PCDHGA6: variants seen among roughly 807,000 people sequenced by gnomAD.
PCDHGA6 encodes the protein protocadherin gamma subfamily A, 6.
In PCDHGA6, 41 loss-of-function variants were observed where a neutral mutation model predicts 60.6. The ratio of observed to expected loss-of-function variants is 0.68; its 90% CI spans 0.53 to 0.88. The LOEUF (loss-of-function observed/expected upper bound fraction) is 0.88, where lower values mean the gene tolerates loss of function less well. Among genes scored for constraint, PCDHGA6 ranks in the 40% least tolerant of loss-of-function variants. PCDHGA6 has a pLI of 0.00. For missense variants in PCDHGA6, 1,312 were observed against 1,203.0 expected (o/e 1.09, Z -1.34); for synonymous variants, 594 against 524.4 (o/e 1.13, Z -1.81).
intron 1 of PCDHGA6, among the ~76,000 whole-genome samples, chr5:141,466,735 T>C (rs2099128254): frequency 6.6e-6 from 1 of 152,224 alleles, no homozygotes; most frequent in South Asian, 2.1e-4. Context: ...GCAGAATTCA[T>C]GTTACTCTGA....
chr5:141,390,286 G>A (rs1043842292), intron 1 of PCDHGA6: 2 of 1,613,848 alleles, frequency 1.2e-6, no homozygotes, highest in Non-Finnish European at 1.7e-6. Flanking sequence ...CATCAGGTGA[G>A]TTTCCTTTAA....
rs369592332 is a variant in PCDHGA6 at position 141,375,474 on chromosome 5, A to G, written c.1391A>G (p.Asn464Ser). 6.2e-7 allele frequency: 1 copy of G among 1,613,772 alleles called. No individual in the cohort carries two copies. The highest frequency in any genetic ancestry group is 1.3e-5 in the African/African-American group (1 of 74,876). ...TCCTACTCAGTCTATGTCCTTGAAA[A>G]CAACCCCAGGGGTGCCTCCATCTTC... ...HSSYSVYVLE[N>S]NPRGASIFSV... is the part of the protein sequence containing the mutation. Residue 464 changes from asparagine (N) to serine (S), a missense_variant, in exon 1 of 4, where the codon AAC becomes AGC. Physicochemically the swap from Asn to Ser is conservative, Grantham distance 46. Coordinates refer to ENST00000517434, the MANE Select transcript of PCDHGA6 (RefSeq NM_018919.3).
Position 141,374,427 on chromosome 5 carries a change from A to C in PCDHGA6, c.344A>C (p.Asn115Thr). 6.2e-7 allele frequency: 1 copy of C among 1,613,980 alleles called. No individual in the cohort carries two copies. Among genetic ancestry groups the C allele is most frequent in the Non-Finnish European group, 8.5e-7 (1 of 1,179,852 alleles). The change falls in exon 1 of 4, where the codon AAT becomes ACT. Residue 115 changes from asparagine to threonine, a missense_variant. Transcript: ENST00000517434. ...AACATCCTTGTCGAGGATAAACTGA[A>C]TCTTTATCCCGTGGAAGTGGAAATA... ...SFNILVEDKL[N>T]LYPVEVEIVD...
rs144222319 is a variant in PCDHGA6, at chr5:141,505,519, C to T, written c.2572+38C>T. ...AGTGTGTGTATGGAAGAGTGGGAGACCTGGGGTTCTGGGGTGCATCTCACA... is the reference window on the plus strand; with the variant it reads ...AGTGTGTGTATGGAAGAGTGGGAGATCTGGGGTTCTGGGGTGCATCTCACA... On this transcript the variant is annotated intron_variant, in intron 3 of 3. Coordinates refer to ENST00000517434, the MANE Select transcript of PCDHGA6 (RefSeq NM_018919.3). The T allele has an allele frequency of 1.5e-3, 2,491 of 1,613,690 alleles. 3 individuals carry two copies. The highest frequency in any genetic ancestry group is 2.6e-3 in the Middle Eastern group (16 of 6,060).
chr5:141,385,101 C>A (rs1373310406), intron 1 of PCDHGA6: 2 of 1,614,194 alleles, frequency 1.2e-6, no homozygotes, highest in East Asian at 2.2e-5. Flanking sequence ...GCTTGGCGAA[C>A]GTGCCCACCT....
chr5:141,410,318 G>C, intron 1 of PCDHGA6: 6 of 1,613,982 alleles, frequency 3.7e-6, no homozygotes, highest in Non-Finnish European at 5.1e-6. Context: ...CTTCCTCCTC[G>C]CCGTGATTCT....
Position 141,490,483 on chromosome 5 carries a change from G to A in PCDHGA6, c.2425-4324G>A. On this transcript the variant is annotated intron_variant, in intron 1 of 3. Transcript: ENST00000517434. The surrounding 1 kb of genome is among the most constrained non-coding windows in gnomAD (Gnocchi z 5.4). ...GCTAACCAGCCAGCCTTTGGACCGG[G>A]AGGCCACATCCCACTATATCATCGA... 2.5e-6 allele frequency: 4 copies of A among 1,614,198 alleles called. No individual in the cohort carries two copies. Among genetic ancestry groups the A allele is most frequent in the Non-Finnish European group, 3.4e-6 (4 of 1,180,046 alleles).
chr5:141,483,257 T>G, intron 1 of PCDHGA6, among the ~76,000 whole-genome samples: 1 of 137,924 alleles, frequency 7.3e-6, no homozygotes, highest in East Asian at 1.9e-4. Flanking sequence ...ATCATGAGGT[T>G]TTTTTGTTTT....
intron 2 of PCDHGA6, among the ~76,000 whole-genome samples, chr5:141,503,075 G>C (rs1373753092): frequency 6.6e-6 from 1 of 151,438 alleles, no homozygotes; most frequent in Non-Finnish European, 1.5e-5. Context: ...GAATGGTCTC[G>C]ATCTCCTGAC....
At chr5:141,403,159 A>G (rs778714191) in intron 1 of PCDHGA6, 2 of 1,614,002 alleles carry the variant, frequency 1.2e-6, no homozygotes, top group East Asian at 4.5e-5. Context: ...TCGTCTCTAG[A>G]GGTAGGACGC....
At chr5:141,396,797 T>C (rs1043872860) in intron 1 of PCDHGA6, among the ~76,000 whole-genome samples, 1 of 152,182 alleles carries the variant, frequency 6.6e-6, no homozygotes, top group Non-Finnish European at 1.5e-5. Context: ...TTCCTAAGGA[T>C]TGTGTAGTGT....
chr5:141,464,973 TTC>T (rs2154568681), intron 1 of PCDHGA6, among the ~76,000 whole-genome samples: 1 of 152,092 alleles, frequency 6.6e-6, no homozygotes, highest in East Asian at 1.9e-4. Flanking sequence ...AACTACTGGC[TTC>T]AAGTGATCCT....
chr5:141,445,889 C>A (rs920382027), intron 1 of PCDHGA6, among the ~76,000 whole-genome samples: 6 of 152,110 alleles, frequency 3.9e-5, no homozygotes, highest in African/African-American at 1.4e-4. Context: ...TACTTAGGAG[C>A]TATTAAAATA....
chr5:141,511,202 C>T lies in PCDHGA6; in HGVS notation c.*29C>T, dbSNP rs201024828. 2.0e-3 allele frequency: 3,296 copies of T among 1,612,132 alleles called. 7 individuals carry two copies. Among genetic ancestry groups the T allele is most frequent in the Middle Eastern group, 0.013 (77 of 6,006 alleles). On this transcript the variant is annotated 3_prime_UTR_variant, in exon 4 of 4. Coordinates refer to ENST00000517434, the MANE Select transcript of PCDHGA6 (RefSeq NM_018919.3). ...GGAGGCCAGGCCAAGAGCCACAGGG[C>T]GGCCTCTCCCCAACCAGCCCAGCTT...
chr5:141,468,814 C>G (rs2099180978), intron 1 of PCDHGA6, among the ~76,000 whole-genome samples: 1 of 151,814 alleles, frequency 6.6e-6, no homozygotes, highest in African/African-American at 2.4e-5. Context: ...TGCAGTGAGC[C>G]AAGATCAAGC....
chr5:141,492,851 C>T (rs1289268967), intron 1 of PCDHGA6, among the ~76,000 whole-genome samples: 2 of 152,204 alleles, frequency 1.3e-5, no homozygotes, highest in Non-Finnish European at 2.9e-5. Flanking sequence ...GTGAAAGCCT[C>T]GAGCGCCCTG....
chr5:141,423,332 C>G, intron 1 of PCDHGA6: 2 of 1,614,198 alleles, frequency 1.2e-6, no homozygotes, highest in Non-Finnish European at 1.7e-6. Flanking sequence ...GCCGCAGTCT[C>G]CTGCATCTTC....
intron 1 of PCDHGA6, among the ~76,000 whole-genome samples, chr5:141,483,907 C>T (rs545585133): frequency 6.0e-5 from 9 of 151,124 alleles, no homozygotes; most frequent in Non-Finnish European, 1.0e-4. Flanking sequence ...TGGTGTGTTT[C>T]CCACTCAGAT....
At chr5:141,429,037 G>A (rs1404164429) in intron 1 of PCDHGA6, 1 of 152,054 alleles carries the variant, frequency 6.6e-6, no homozygotes, top group African/African-American at 2.4e-5. Flanking sequence ...TGCATTTTTA[G>A]TACAGACGGG....
Sources: allele counts gnomAD v4.1 joint callset (sites outside exome capture counted in the v4.1 genomes callset), GRCh38; gene constraint gnomAD v4.1.1; non-coding constraint Gnocchi (gnomAD v3.1); transcripts MANE v1.5; gene names NCBI Gene and HGNC (gene_info 2026-07-23, HGNC 2026-07-21).